Variants in FHIT observed in about 807,000 individuals in gnomAD.
FHIT encodes the protein fragile histidine triad diadenosine triphosphatase.
In FHIT, 19 loss-of-function variants were observed where a neutral mutation model predicts 17.9. The observed-to-expected ratio is 1.06, with a 90% CI of 0.74 to 1.56. The LOEUF is 1.56. FHIT is among the 40% of genes most tolerant of loss of function. The pLI is 0.00. For missense variants in FHIT, 248 were observed against 189.2 expected, an observed-to-expected ratio of 1.31 and a Z score of -1.82; for synonymous variants, 81 against 69.7, an observed-to-expected ratio of 1.16 and a Z score of -0.81.
At chr3:61,117,862 C>T (rs1350970174) in intron 2 of FHIT, among the ~76,000 whole-genome samples, 1 of 152,024 alleles carries the variant, frequency 6.6e-6, no homozygotes, top group Non-Finnish European at 1.5e-5. Context: ...AGTGTCTGGC[C>T]CATAGTGAGA....
rs188152023 is a variant in FHIT, at chr3:60,956,549, C to T, written c.-111+85498G>A. Among the ~76,000 whole-genome samples, 7 of 152,202 alleles carry T rather than the reference C, an allele frequency of 4.6e-5. 1 individual carries two copies. The highest frequency in any genetic ancestry group is 2.6e-4 in the Admixed American group (4 of 15,286). On this transcript the variant is annotated intron_variant, in intron 3 of 9. Coordinates refer to ENST00000492590, the MANE Select transcript of FHIT (RefSeq NM_002012.4). ...GATTTAAGTTTAAACCAAGTAGTGC[C>T]CTGAAGACAATTTCAAAATGCCCAG...
chr3:60,521,416 T>G (rs1455963210), intron 5 of FHIT, among the ~76,000 whole-genome samples: 1 of 151,796 alleles, frequency 6.6e-6, no homozygotes, highest in East Asian at 2.0e-4. Flanking sequence ...CCCAGCTAAT[T>G]TTTTGTATTT....
intron 5 of FHIT, among the ~76,000 whole-genome samples, chr3:60,362,361 T>G (rs112052066): frequency 3.3e-5 from 5 of 152,336 alleles, no homozygotes; most frequent in African/African-American, 1.2e-4. Context: ...AGCTAAAAGC[T>G]TATCAAACAT....
intron 5 of FHIT, among the ~76,000 whole-genome samples, chr3:60,523,658 G>A (rs918554357): frequency 1.8e-4 from 27 of 152,150 alleles, no homozygotes; most frequent in African/African-American, 5.8e-4. Context: ...ATACAATCTT[G>A]GGAAATCAAA....
chr3:60,242,719 C>A (rs1393141099), intron 5 of FHIT, among the ~76,000 whole-genome samples: 1 of 152,006 alleles, frequency 6.6e-6, no homozygotes, highest in Non-Finnish European at 1.5e-5. Context: ...ACTGCTTTTG[C>A]CCCTTCTTCT....
At chr3:60,813,624 T>G (rs1701640631) in intron 4 of FHIT, among the ~76,000 whole-genome samples, 1 of 152,188 alleles carries the variant, frequency 6.6e-6, no homozygotes, top group South Asian at 2.1e-4. Context: ...CAATTACATT[T>G]TTTCACCTGT....
chr3:59,960,785 T>G (rs73104597), intron 7 of FHIT, among the ~76,000 whole-genome samples: 15,202 of 152,254 alleles, frequency 0.1, 937 homozygotes, highest in Admixed American at 0.14. Context: ...TTGGTTCTAA[T>G]TTTTAAAAGT....
intron 5 of FHIT, among the ~76,000 whole-genome samples, chr3:60,516,578 C>A (rs2035167617): frequency 6.6e-6 from 1 of 152,118 alleles, no homozygotes; most frequent in South Asian, 2.1e-4. Context: ...GCTGTTTGGT[C>A]TAGATCGATT....
At chr3:59,755,631 G>A (rs980568686) in intron 8 of FHIT, among the ~76,000 whole-genome samples, 6 of 152,170 alleles carry the variant, frequency 3.9e-5, no homozygotes, top group Non-Finnish European at 8.8e-5. Context: ...CTCTGTCTCT[G>A]TAATGCCAGG....
At chr3:60,710,173 T>C (rs1349222881) in intron 4 of FHIT, among the ~76,000 whole-genome samples, 1 of 151,968 alleles carries the variant, frequency 6.6e-6, no homozygotes, top group Non-Finnish European at 1.5e-5. Flanking sequence ...TGACTTTTTA[T>C]TTTTTTTAAC....
At chr3:59,966,413 A>G (rs1476575194) in intron 7 of FHIT, among the ~76,000 whole-genome samples, 2 of 152,196 alleles carry the variant, frequency 1.3e-5, no homozygotes, top group African/African-American at 2.4e-5. Context: ...ACAGCTAGCC[A>G]TGTGTTACTT....
intron 3 of FHIT, among the ~76,000 whole-genome samples, chr3:60,862,527 G>T (rs1268202203): frequency 6.6e-6 from 1 of 152,088 alleles, no homozygotes; most frequent in African/African-American, 2.4e-5. Flanking sequence ...CACTGCAATA[G>T]GCAGACTTCT....
intron 2 of FHIT, among the ~76,000 whole-genome samples, chr3:61,109,965 C>T (rs2036106420): frequency 6.6e-6 from 1 of 152,138 alleles, no homozygotes; most frequent in Non-Finnish European, 1.5e-5. Context: ...ACCCTGACCT[C>T]CAAAATCAAG....
At position 59,753,712 on chromosome 3, in the gene FHIT, G is replaced by A. The variant is rs914911513; in HGVS notation, c.349-1391C>T. 7.2e-5 allele frequency among the ~76,000 whole-genome samples: 11 copies of A among 152,232 alleles called. No homozygotes were observed. The South Asian group carries it at 1.2e-3, about 17-fold the overall frequency. On this transcript the variant is annotated intron_variant, in intron 8 of 9. Transcript: ENST00000492590. ...TTATTTCTTTGATATACATTATTTCGTTTAATCCTTACAATAACTCATAAA... is the reference window on the plus strand; with the variant it reads ...TTATTTCTTTGATATACATTATTTCATTTAATCCTTACAATAACTCATAAA...
chr3:60,924,310 G>A (rs1191978301), intron 3 of FHIT, among the ~76,000 whole-genome samples: 1 of 152,176 alleles, frequency 6.6e-6, no homozygotes, highest in African/African-American at 2.4e-5. Flanking sequence ...GCACCCCCCA[G>A]TAGGGGCAGA....
At chr3:60,981,954 C>T (rs1024077427) in intron 3 of FHIT, among the ~76,000 whole-genome samples, 1 of 152,168 alleles carries the variant, frequency 6.6e-6, no homozygotes, top group Non-Finnish European at 1.5e-5. Flanking sequence ...CAAAACATCC[C>T]TCGAGTCCTC....
chr3:60,082,786 C>A (rs1703345734), intron 5 of FHIT, among the ~76,000 whole-genome samples: 1 of 152,046 alleles, frequency 6.6e-6, no homozygotes, highest in South Asian at 2.1e-4. Context: ...TGAGAAGTGT[C>A]TGTTCATGTA....
At chr3:60,279,993 C>T (rs1195124373) in intron 5 of FHIT, among the ~76,000 whole-genome samples, 2 of 149,086 alleles carry the variant, frequency 1.3e-5, no homozygotes, top group Non-Finnish European at 3.0e-5. Context: ...GATCGTGCCA[C>T]CGCACTCCAG....
chr3:60,334,347 A>G (rs997759751), intron 5 of FHIT, among the ~76,000 whole-genome samples: 1 of 152,194 alleles, frequency 6.6e-6, no homozygotes. Context: ...TGAGGCTCAG[A>G]CCAATTTTAA....
Sources: gnomAD v4.1 joint callset for allele counts (sites outside exome capture counted in the v4.1 genomes callset) on GRCh38, gnomAD v4.1.1 for gene constraint, MANE v1.5 for transcripts, NCBI Gene and HGNC (gene_info 2026-07-23, HGNC 2026-07-21) for gene names.